The following TBC1D23 variants were observed in gnomAD, a reference collection of about 807,000 sequenced individuals.
TBC1D23 encodes TBC1 domain family member 23.
In TBC1D23, 55 loss-of-function variants were observed where a neutral mutation model predicts 91.4. The ratio of observed to expected loss-of-function variants is 0.60; its 90% CI spans 0.48 to 0.75. The LOEUF is 0.75. TBC1D23 is among the 30% of genes least tolerant of loss of function. The probability of loss-of-function intolerance (pLI) is 0.00; values close to 1 mark genes in which losing one functional copy is unlikely to be tolerated. For missense variants in TBC1D23, 725 were observed against 836.1 expected (o/e 0.87, Z 1.64); for synonymous variants, 289 against 281.0 (o/e 1.03, Z -0.28).
At chr3:100,290,498 G>A in intron 4 of TBC1D23, 80 bp from the exon 5 acceptor site, 2 of 1,262,612 alleles carry the variant, frequency 1.6e-6, no homozygotes, top group Non-Finnish European at 2.3e-6. Flanking sequence ...GCTGTGGAGG[G>A]TATAGCAGGA....
At chr3:100,306,046 G>A (rs907620540) in intron 12 of TBC1D23, among the ~76,000 whole-genome samples, 2 of 152,154 alleles carry the variant, frequency 1.3e-5, no homozygotes, top group Non-Finnish European at 2.9e-5. Context: ...TTATGGGAGA[G>A]ATTGATTGAT....
chr3:100,304,954 G>C (rs1451813155), intron 12 of TBC1D23, 66 bp downstream of exon 12: 6 of 885,272 alleles, frequency 6.8e-6, no homozygotes, highest in African/African-American at 1.7e-5. Context: ...ATTATCAATA[G>C]AGTTGATCTG....
intron 10 of TBC1D23, among the ~76,000 whole-genome samples, chr3:100,301,585 G>T (rs985701759): frequency 3.9e-5 from 6 of 152,050 alleles, no homozygotes; most frequent in Admixed American, 3.9e-4. Flanking sequence ...TTCCTTGAGG[G>T]TAAGAAATGA....
At chr3:100,276,977 G>C (rs969400204) in intron 1 of TBC1D23, among the ~76,000 whole-genome samples, 6 of 152,160 alleles carry the variant, frequency 3.9e-5, no homozygotes, top group Admixed American at 6.5e-5. Context: ...TTAAAACCTT[G>C]TCTGGATGTC....
chr3:100,283,097 G>T (rs2067708791), intron 3 of TBC1D23, among the ~76,000 whole-genome samples: 1 of 152,170 alleles, frequency 6.6e-6, no homozygotes, highest in Non-Finnish European at 1.5e-5. Flanking sequence ...AGAAGGCCAG[G>T]CACAGTGGCC....
chr3:100,296,100 T>C lies in TBC1D23; in HGVS notation c.773-72T>C, dbSNP rs985169736. 12 of 786,502 alleles carry C rather than the reference T, an allele frequency of 1.5e-5. No homozygotes were observed. The African/African-American group carries it at 2.1e-4, about 14-fold the overall frequency. 48.7% of individuals were successfully genotyped at this position (786,502 alleles called of 1,614,324 possible). On this transcript the variant is annotated intron_variant, in intron 7 of 18. Transcript: ENST00000394144. ...TTGCATAGTATTTATGATGAAGATA[T>C]TTCGGCTCTGATACATAAACAATAT...
At chr3:100,317,213 A>G (rs907274019) in intron 16 of TBC1D23, among the ~76,000 whole-genome samples, 16 of 152,198 alleles carry the variant, frequency 1.1e-4, no homozygotes, top group African/African-American at 3.9e-4. Flanking sequence ...ATATTGGTTA[A>G]TATGTGTACT....
chr3:100,271,448 A>T (rs1305142991), intron 1 of TBC1D23, among the ~76,000 whole-genome samples: 1 of 152,114 alleles, frequency 6.6e-6, no homozygotes, highest in Non-Finnish European at 1.5e-5. Context: ...GAGAGAAGGG[A>T]TAATGGATGG....
chr3:100,269,562 G>C (rs2067584537), intron 1 of TBC1D23, among the ~76,000 whole-genome samples: 2 of 152,132 alleles, frequency 1.3e-5, no homozygotes, highest in Admixed American at 6.5e-5. Flanking sequence ...GTTTGAGGTT[G>C]GTATTTAAAA....
intron 1 of TBC1D23, among the ~76,000 whole-genome samples, chr3:100,264,325 CTCTT>C (rs1168301665): frequency 4.8e-5 from 7 of 146,926 alleles, no homozygotes; most frequent in Non-Finnish European, 7.5e-5. Flanking sequence ...TTCTTTATCT[CTCTT>C]TCTTTTTGGA....
intron 17 of TBC1D23, among the ~76,000 whole-genome samples, chr3:100,320,385 A>T (rs1705830538): frequency 6.6e-6 from 1 of 152,202 alleles, no homozygotes; most frequent in Admixed American, 6.5e-5. Context: ...TTGCCTAGTG[A>T]TCTTGGATAT....
In TBC1D23 at chr3:100,323,809, TATA is replaced by T. The variant is rs1705907147; in HGVS notation, c.*144_*146del. The T allele has an allele frequency of 3.1e-6, 1 of 325,076 alleles. No homozygotes were observed. Among genetic ancestry groups the T allele is most frequent in the Admixed American group, 5.0e-5 (1 of 20,012 alleles). The allele number at this position is 325,076 out of a possible 1,614,324, so 20.1% of individuals were successfully genotyped here. A position where few individuals can be genotyped will look rare whatever the true frequency, so the allele number is the denominator to read the frequency against. ...GCAGGTCTAAGAAAGTGTAAATTAT[TATA>T]ATCAATCTGTGGACAGTAAACTTTT... On this transcript the variant is annotated 3_prime_UTR_variant, in exon 19 of 19. Coordinates refer to ENST00000394144, the MANE Select transcript of TBC1D23 (RefSeq NM_001199198.3).
At chr3:100,300,425 C>T (rs1193341328) in intron 10 of TBC1D23, among the ~76,000 whole-genome samples, 1 of 151,852 alleles carries the variant, frequency 6.6e-6, no homozygotes, top group East Asian at 1.9e-4. Flanking sequence ...AACTCTGTGC[C>T]TTTCTCTTCC....
intron 10 of TBC1D23, among the ~76,000 whole-genome samples, chr3:100,300,777 G>A (rs1705411363): frequency 1.3e-5 from 2 of 152,128 alleles, no homozygotes; most frequent in South Asian, 4.2e-4. Flanking sequence ...AGGGATTACA[G>A]GCGTGAGTCA....
chr3:100,267,975 A>G (rs1026764137), intron 1 of TBC1D23, among the ~76,000 whole-genome samples: 11 of 152,182 alleles, frequency 7.2e-5, no homozygotes, highest in African/African-American at 2.7e-4. Context: ...GTTCGAGACC[A>G]TCCTGGGCAA....
At chr3:100,285,285 A>C (rs374138194) in intron 4 of TBC1D23, among the ~76,000 whole-genome samples, 1 of 152,084 alleles carries the variant, frequency 6.6e-6, no homozygotes, top group African/African-American at 2.4e-5. Flanking sequence ...TCAACTCTCC[A>C]TTTTCCCCCA....
intron 10 of TBC1D23, among the ~76,000 whole-genome samples, chr3:100,299,927 C>T (rs1705387260): frequency 6.6e-6 from 1 of 151,816 alleles, no homozygotes; most frequent in Admixed American, 6.6e-5. Flanking sequence ...CCTAGTATAG[C>T]ACTTAGCATA....
At position 100,291,826 on chromosome 3, in the gene TBC1D23, C is replaced by T. The variant is rs533150114; in HGVS notation, c.600+1125C>T. Among the ~76,000 whole-genome samples the T allele has an allele frequency of 4.3e-5, 6 of 138,598 alleles. No individual in the cohort carries two copies. The South Asian group carries it at 1.4e-3, about 32-fold the overall frequency. The allele number at this position is 138,598 out of a possible 152,430, so 90.9% of individuals were successfully genotyped here. On this transcript the variant is annotated intron_variant, in intron 5 of 18. Transcript: ENST00000394144. ...TTTTTTTTTTTGAGATGGAGTTTCA[C>T]TCTTGTCGCCTAGGCTGGAGTGCCG... is the stretch of plus-strand genomic sequence containing the variant.
chr3:100,318,561 T>A (rs1705794213), intron 16 of TBC1D23, among the ~76,000 whole-genome samples: 1 of 152,084 alleles, frequency 6.6e-6, no homozygotes, highest in Non-Finnish European at 1.5e-5. Flanking sequence ...TGTTACCATA[T>A]GAAAGTGATG....
Sources: gnomAD v4.1 joint callset for allele counts (sites outside exome capture counted in the v4.1 genomes callset) on GRCh38, gnomAD v4.1.1 for gene constraint, MANE v1.5 for transcripts, NCBI Gene and HGNC (gene_info 2026-07-23, HGNC 2026-07-21) for gene names.